TAFA5: variants seen among roughly 807,000 people sequenced by gnomAD.
TAFA5 encodes chemokine-like protein TAFA-5.
TAFA5 carries 6 observed loss-of-function variants against 15.3 expected under a neutral mutation model. The observed-to-expected ratio is 0.39, with a 90% CI of 0.21 to 0.77. The LOEUF (loss-of-function observed/expected upper bound fraction) is 0.77, where lower values mean the gene tolerates loss of function less well. Among genes scored for constraint, TAFA5 ranks in the 30% least tolerant of loss-of-function variants. TAFA5 has a pLI of 0.41. For synonymous variants in TAFA5, 103 were observed against 80.7 expected (o/e 1.28, Z -1.48); for missense variants, 161 against 193.1 (o/e 0.83, Z 0.98).
At chr22:48,613,719 G>T (rs981616352) in intron 1 of TAFA5, among the ~76,000 whole-genome samples, 2 of 152,222 alleles carry the variant, frequency 1.3e-5, no homozygotes, top group African/African-American at 2.4e-5. Context: ...TGCCCTTGTG[G>T]CTGCGCCCCA....
chr22:48,734,091 G>A (rs187838273), intron 3 of TAFA5, among the ~76,000 whole-genome samples: 1 of 152,342 alleles, frequency 6.6e-6, no homozygotes, highest in East Asian at 1.9e-4. Flanking sequence ...CCAAGCACAT[G>A]TGTTTCAAAC....
chr22:48,516,937 CTTA>C (rs1357116699), intron 1 of TAFA5, among the ~76,000 whole-genome samples: 1 of 152,188 alleles, frequency 6.6e-6, no homozygotes, highest in Non-Finnish European at 1.5e-5. Context: ...TTTCAAACAT[CTTA>C]TGTATTTATT....
intron 1 of TAFA5, among the ~76,000 whole-genome samples, chr22:48,600,473 C>G (rs1924926003): frequency 6.6e-6 from 1 of 152,228 alleles, no homozygotes; most frequent in Admixed American, 6.5e-5. Flanking sequence ...GGCCTTTCCA[C>G]TCTGTGTTCC....
At chr22:48,643,099 A>G (rs1655945807) in intron 1 of TAFA5, among the ~76,000 whole-genome samples, 1 of 152,192 alleles carries the variant, frequency 6.6e-6, no homozygotes, top group South Asian at 2.1e-4. Context: ...GGCTCCAGGC[A>G]TCCACCTGCT....
At chr22:48,498,997 G>C (rs6008740) in intron 1 of TAFA5, among the ~76,000 whole-genome samples, 3 of 152,078 alleles carry the variant, frequency 2.0e-5, no homozygotes, top group Non-Finnish European at 4.4e-5. Context: ...CGTCCCGTGC[G>C]TGTCCCTTGC....
At chr22:48,574,911 C>A (rs1363022658) in intron 1 of TAFA5, among the ~76,000 whole-genome samples, 3 of 152,180 alleles carry the variant, frequency 2.0e-5, no homozygotes, top group African/African-American at 7.2e-5. Context: ...GGGAGGCATC[C>A]GTTTGTTTCC....
intron 1 of TAFA5, among the ~76,000 whole-genome samples, chr22:48,607,166 T>A (rs28444469): frequency 6.7e-6 from 1 of 148,704 alleles, no homozygotes; most frequent in Non-Finnish European, 1.5e-5. Flanking sequence ...CCTGGAACAG[T>A]TCTATCCTGG....
chr22:48,497,889 G>C (rs543969445), intron 1 of TAFA5, among the ~76,000 whole-genome samples: 1,477 of 114,394 alleles, frequency 0.013, 117 homozygotes, highest in African/African-American at 0.055. Flanking sequence ...GCAGGGGCAG[G>C]TTTGGAGGCC....
chr22:48,637,986 C>T (rs1267058297), intron 1 of TAFA5, among the ~76,000 whole-genome samples: 2 of 152,124 alleles, frequency 1.3e-5, no homozygotes, highest in Non-Finnish European at 2.9e-5. Context: ...TCTTGTCCTT[C>T]TAAACTGACA....
chr22:48,710,095 C>T (rs187509603), intron 3 of TAFA5, among the ~76,000 whole-genome samples: 1 of 152,070 alleles, frequency 6.6e-6, no homozygotes, highest in African/African-American at 2.4e-5. Flanking sequence ...GCCCTTCACC[C>T]ACCAGGCACC....
At chr22:48,565,541 G>A (rs1923380769) in intron 1 of TAFA5, among the ~76,000 whole-genome samples, 2 of 152,238 alleles carry the variant, frequency 1.3e-5, no homozygotes, top group South Asian at 4.1e-4. Flanking sequence ...CCAGCCTTGG[G>A]CAGAATCTGA....
chr22:48,730,875 G>GGCCT (rs1363371473), intron 3 of TAFA5, among the ~76,000 whole-genome samples: 1 of 152,024 alleles, frequency 6.6e-6, no homozygotes, highest in Non-Finnish European at 1.5e-5. Context: ...ACCCTACAGT[G>GGCCT]GCCTCTAAGT....
At chr22:48,576,515 G>A (rs1390111289) in intron 1 of TAFA5, 16 of 1,513,528 alleles carry the variant, frequency 1.1e-5, no homozygotes, top group Non-Finnish European at 1.3e-5. Flanking sequence ...GCACTGGCAG[G>A]GGCCGCGCTC....
intron 2 of TAFA5, among the ~76,000 whole-genome samples, chr22:48,662,005 TGCC>T: frequency 8.5e-6 from 1 of 116,998 alleles, no homozygotes; most frequent in Non-Finnish European, 1.8e-5. Flanking sequence ...CTCATTGGGG[TGCC>T]TACTTTGGGG....
intron 1 of TAFA5, among the ~76,000 whole-genome samples, chr22:48,534,744 G>A (rs965715945): frequency 2.6e-5 from 4 of 152,170 alleles, no homozygotes; most frequent in African/African-American, 9.7e-5. Flanking sequence ...GGGGAGGCCC[G>A]GCTCTCCGGC....
chr22:48,516,822 G>A (rs927988442), intron 1 of TAFA5, among the ~76,000 whole-genome samples: 23 of 152,294 alleles, frequency 1.5e-4, no homozygotes, highest in African/African-American at 5.5e-4. Context: ...ACTGCATGTG[G>A]CCCTCACAGT....
intron 1 of TAFA5, among the ~76,000 whole-genome samples, chr22:48,508,044 G>GCCCA (rs1921067440): frequency 6.6e-6 from 1 of 151,972 alleles, no homozygotes; most frequent in Non-Finnish European, 1.5e-5. Context: ...ACTGTCACTC[G>GCCCA]GCCCCTAGAG....
intron 1 of TAFA5, among the ~76,000 whole-genome samples, chr22:48,555,969 C>T (rs1018606194): frequency 6.6e-6 from 1 of 152,218 alleles, no homozygotes; most frequent in Non-Finnish European, 1.5e-5. Context: ...TCTTCTTGTT[C>T]TAGCTCCCTC....
intron 1 of TAFA5, among the ~76,000 whole-genome samples, chr22:48,535,136 A>T (rs1293517250): frequency 1.3e-5 from 2 of 152,086 alleles, no homozygotes; most frequent in African/African-American, 4.8e-5. Flanking sequence ...CTTACCTGGG[A>T]ACGTTCTGCT....
Sources: allele counts gnomAD v4.1 joint callset (sites outside exome capture counted in the v4.1 genomes callset), GRCh38; gene constraint gnomAD v4.1.1; transcripts MANE v1.5; gene names NCBI Gene and HGNC (gene_info 2026-07-23, HGNC 2026-07-21).